ADCY2: variants seen among roughly 807,000 people sequenced by gnomAD.
The protein encoded by ADCY2 is adenylate cyclase 2, also known as adenylate cyclase type 2.
A neutral mutation model predicts 125.2 loss-of-function variants in ADCY2; 31 were observed. That is an observed-to-expected ratio of 0.25 (90% confidence interval 0.19 to 0.33). ADCY2 has a LOEUF of 0.33. Among genes scored for constraint, ADCY2 ranks in the 10% least tolerant of loss-of-function variants. The pLI is 1.00. For missense variants in ADCY2, 904 were observed against 1,418.2 expected, an observed-to-expected ratio of 0.64 and a Z score of 5.82; for synonymous variants, 512 against 548.4, an observed-to-expected ratio of 0.93 and a Z score of 0.93.
In ADCY2 at chr5:7,743,567, C is replaced by T. The variant is rs1016985193; in HGVS notation, c.1872-101C>T. The T allele has an allele frequency of 7.0e-6, 7 of 1,000,198 alleles. No homozygotes were observed. The African/African-American group carries it at 9.6e-5, about 14-fold the overall frequency. The allele number at this position is 1,000,198 out of a possible 1,614,324, so 62.0% of individuals were successfully genotyped here. A position where few individuals can be genotyped will look rare whatever the true frequency, so the allele number is the denominator to read the frequency against. On this transcript the variant is annotated intron_variant, in intron 14 of 24. Coordinates refer to ENST00000338316, the MANE Select transcript of ADCY2 (RefSeq NM_020546.3). ...AAAATTTAGTGAGGATTGCAGTCTG[C>T]ATTTAATAAAGTCCTCGTTAACCCA...
At chr5:7,817,313 C>G (rs1254617912) in intron 23 of ADCY2, among the ~76,000 whole-genome samples, 1 of 152,060 alleles carries the variant, frequency 6.6e-6, no homozygotes, top group African/African-American at 2.4e-5. Flanking sequence ...TAAACTGGGA[C>G]CTGCCACTAA....
intron 1 of ADCY2, among the ~76,000 whole-genome samples, chr5:7,406,322 GGGT>G (rs1298301001): frequency 6.6e-6 from 1 of 152,182 alleles, no homozygotes; most frequent in African/African-American, 2.4e-5. Context: ...CATCAAGCCT[GGGT>G]GTGGCTTCTG....
In ADCY2 at chr5:7,417,225, A is replaced by C. The variant is rs1048463225; in HGVS notation, c.408+2455A>C. On this transcript the variant is annotated intron_variant, in intron 2 of 24. Transcript: ENST00000338316. ...ATCAATAATAATTTTCGTTAGACTC[A>C]ATCTTAGGTACCTAAAGTCTTTTTG... Among the ~76,000 whole-genome samples, 12 of 152,200 alleles carry C rather than the reference A, an allele frequency of 7.9e-5. No homozygotes were observed. In the East Asian group the frequency reaches 2.3e-3, roughly 29 times the overall value.
At chr5:7,401,237 A>G (rs1054897193) in intron 1 of ADCY2, among the ~76,000 whole-genome samples, 2 of 152,270 alleles carry the variant, frequency 1.3e-5, no homozygotes, top group African/African-American at 4.8e-5. Flanking sequence ...CTGCATTTTC[A>G]CTGTTACTGT....
At position 7,694,904 on chromosome 5, in the gene ADCY2, A is replaced by T. The variant is rs576235983; in HGVS notation, c.870-848A>T. On this transcript the variant is annotated intron_variant, in intron 5 of 24. Coordinates refer to ENST00000338316, the MANE Select transcript of ADCY2 (RefSeq NM_020546.3). ...ACCTTCCCACCAGCAACACATGTGT[A>T]CCCCTCCAGGTTCTCATCCACAACC... Among the ~76,000 whole-genome samples, 8 of 152,166 alleles carry T rather than the reference A, an allele frequency of 5.3e-5. No homozygotes were observed. The East Asian group carries it at 1.5e-3, about 29-fold the overall frequency.
chr5:7,413,364 G>T (rs575481444), intron 1 of ADCY2, among the ~76,000 whole-genome samples: 11 of 152,042 alleles, frequency 7.2e-5, no homozygotes, highest in African/African-American at 2.2e-4. Flanking sequence ...GCGCGCTCAC[G>T]GCTCACTGCA....
rs991068990 is a variant in ADCY2, at chr5:7,445,770, T to C, written c.408+31000T>C. Among the ~76,000 whole-genome samples, 2 of 152,028 alleles carry C rather than the reference T, an allele frequency of 1.3e-5. 1 individual carries two copies. The highest frequency in any genetic ancestry group is 2.9e-5 in the Non-Finnish European group (2 of 68,014). On this transcript the variant is annotated intron_variant, in intron 2 of 24. Transcript: ENST00000338316. ...TTATGTAAAAGATATTTTCTAGCAC[T>C]GTGTCTTCTTTTTTTCATATTTTTG... is the stretch of plus-strand genomic sequence containing the variant.
At chr5:7,763,643 A>G (rs183757902) in intron 16 of ADCY2, among the ~76,000 whole-genome samples, 387 of 152,124 alleles carry the variant, frequency 2.5e-3, no homozygotes, top group African/African-American at 9.1e-3. Flanking sequence ...TGCCTATTCT[A>G]GGGACCTCAC....
intron 3 of ADCY2, among the ~76,000 whole-genome samples, chr5:7,537,452 C>T (rs2126555245): frequency 6.6e-6 from 1 of 152,268 alleles, no homozygotes; most frequent in East Asian, 1.9e-4. Flanking sequence ...CTGTACTTCC[C>T]AGCCTTTCAA....
chr5:7,617,869 A>G (rs1488665847), intron 3 of ADCY2, among the ~76,000 whole-genome samples: 1 of 152,182 alleles, frequency 6.6e-6, no homozygotes, highest in Non-Finnish European at 1.5e-5. Context: ...GCTCTTTCCT[A>G]ATGAATATGA....
intron 3 of ADCY2, among the ~76,000 whole-genome samples, chr5:7,622,709 G>GCAAT (rs1737995701): frequency 6.6e-6 from 1 of 152,182 alleles, no homozygotes; most frequent in Non-Finnish European, 1.5e-5. Context: ...CTCTCCAGGG[G>GCAAT]GCCTCCTCTT....
intron 3 of ADCY2, among the ~76,000 whole-genome samples, chr5:7,614,616 C>G (rs1391620114): frequency 6.6e-6 from 1 of 152,200 alleles, no homozygotes; most frequent in Non-Finnish European, 1.5e-5. Flanking sequence ...CATAGTCACT[C>G]TTCTCACCCT....
chr5:7,776,688 C>A (rs1743738680), intron 18 of ADCY2, among the ~76,000 whole-genome samples: 2 of 152,082 alleles, frequency 1.3e-5, no homozygotes, highest in South Asian at 4.2e-4. Flanking sequence ...AGAGGAAGAC[C>A]CACCCTCAGT....
In ADCY2 at chr5:7,827,308, T is replaced by C. The variant is rs1342788974; in HGVS notation, c.*437T>C. 2 of 164,966 alleles carry C rather than the reference T, an allele frequency of 1.2e-5. No individual in the cohort carries two copies. Among genetic ancestry groups the C allele is most frequent in the Non-Finnish European group, 2.6e-5 (2 of 75,474 alleles). 10.2% of individuals were successfully genotyped at this position (164,966 alleles called of 1,614,324 possible). ...AGTTGATTCTGTCCCCCACGTGGAC[T>C]CTGTGCTCACCCATTGTCTCATTGC... On this transcript the variant is annotated 3_prime_UTR_variant, in exon 25 of 25. Coordinates refer to ENST00000338316, the MANE Select transcript of ADCY2 (RefSeq NM_020546.3).
chr5:7,453,373 ATGT>A (rs1180561914), intron 2 of ADCY2, among the ~76,000 whole-genome samples: 13 of 152,054 alleles, frequency 8.5e-5, no homozygotes, highest in Admixed American at 2.0e-4. Context: ...CCCCTGATTT[ATGT>A]TGTTGTATGC....
At chr5:7,705,254 G>C (rs541817275) in intron 7 of ADCY2, among the ~76,000 whole-genome samples, 1 of 152,340 alleles carries the variant, frequency 6.6e-6, no homozygotes, top group East Asian at 1.9e-4. Flanking sequence ...TTGTGCTGTT[G>C]CACTGGGCCT....
At chr5:7,608,439 G>T (rs576509019) in intron 3 of ADCY2, among the ~76,000 whole-genome samples, 5 of 152,204 alleles carry the variant, frequency 3.3e-5, no homozygotes, top group Admixed American at 1.3e-4. Context: ...AGCCGGGCGT[G>T]GTGGTGCATG....
chr5:7,614,094 C>A (rs1046854338), intron 3 of ADCY2, among the ~76,000 whole-genome samples: 1 of 152,168 alleles, frequency 6.6e-6, no homozygotes, highest in South Asian at 2.1e-4. Context: ...TTAATGTTAT[C>A]CATAGTCATC....
chr5:7,460,155 G>A lies in ADCY2; in HGVS notation c.408+45385G>A, dbSNP rs571721852. On this transcript the variant is annotated intron_variant, in intron 2 of 24. Transcript: ENST00000338316. ...TTAATCCTATTATATCTGCTGGACTGTGTGCCTTCTAAAATTCTACTTAGT... is the reference window on the plus strand; with the variant it reads ...TTAATCCTATTATATCTGCTGGACTATGTGCCTTCTAAAATTCTACTTAGT... Among the ~76,000 whole-genome samples the A allele has an allele frequency of 7.9e-5, 12 of 152,234 alleles. No individual in the cohort carries two copies. In the East Asian group the frequency reaches 2.3e-3, roughly 29 times the overall value.
Sources: gnomAD v4.1 joint callset for allele counts (sites outside exome capture counted in the v4.1 genomes callset) on GRCh38, gnomAD v4.1.1 for gene constraint, MANE v1.5 for transcripts, NCBI Gene and HGNC (gene_info 2026-07-23, HGNC 2026-07-21) for gene names.